Variants in DACH2 observed in about 807,000 individuals in gnomAD.
DACH2 encodes the protein dachshund family transcription factor 2.
A neutral mutation model predicts 35.8 loss-of-function variants in DACH2; 17 were observed. The ratio of observed to expected loss-of-function variants is 0.48; its 90% confidence interval spans 0.33 to 0.71. DACH2 has a LOEUF of 0.71. DACH2 is among the 30% of genes least tolerant of loss of function. The probability of loss-of-function intolerance (pLI) is 0.02; values close to 1 mark genes in which losing one functional copy is unlikely to be tolerated. For missense variants in DACH2, 469 were observed against 472.7 expected (o/e 0.99, Z 0.07); for synonymous variants, 195 against 177.3 (o/e 1.10, Z -0.79).
intron 3 of DACH2, among the ~76,000 whole-genome samples, chrX:86,576,387 A>G (rs1290960892): frequency 3.6e-5 from 4 of 111,769 alleles, no homozygotes; most frequent in Non-Finnish European, 7.5e-5. Context: ...TTAAAAACAT[A>G]CATTTTTATT....
At chrX:86,280,632 C>T (rs763300512) in intron 1 of DACH2, among the ~76,000 whole-genome samples, 22 of 112,091 alleles carry the variant, frequency 2.0e-4, no homozygotes, top group Non-Finnish European at 3.8e-4. Context: ...GGGCTAAATG[C>T]CCCAATTAAA....
At chrX:86,380,759 C>G (rs940170051) in intron 2 of DACH2, among the ~76,000 whole-genome samples, 12 of 109,994 alleles carry the variant, frequency 1.1e-4, no homozygotes, top group African/African-American at 3.9e-4. Context: ...ATTGCTGTGT[C>G]TTTTTAAAAT....
At chrX:86,650,274 G>A (rs147543660) in intron 3 of DACH2, among the ~76,000 whole-genome samples, 1,241 of 110,707 alleles carry the variant, frequency 0.011, 17 homozygotes, top group African/African-American at 0.038. Context: ...TACTACAGAC[G>A]CTGGCTATAT....
intron 1 of DACH2, among the ~76,000 whole-genome samples, chrX:86,330,203 C>T (rs1236383967): frequency 4.5e-5 from 5 of 111,219 alleles, no homozygotes; most frequent in African/African-American, 9.9e-5. Flanking sequence ...AGTGTACAAC[C>T]TATTTTAGAT....
At chrX:86,405,692 A>G (rs1417193312) in intron 2 of DACH2, among the ~76,000 whole-genome samples, 1 of 110,881 alleles carries the variant, frequency 9.0e-6, no homozygotes, top group Non-Finnish European at 1.9e-5. Flanking sequence ...TTCCAAAATC[A>G]CTTCCACATT....
At chrX:86,676,581 A>C (rs751075330) in intron 4 of DACH2, among the ~76,000 whole-genome samples, 1 of 111,780 alleles carries the variant, frequency 8.9e-6, no homozygotes, top group East Asian at 2.8e-4. Context: ...TGAGGAACTG[A>C]ATTTTTCATT....
At chrX:86,186,972 G>A (rs145883537) in intron 1 of DACH2, among the ~76,000 whole-genome samples, 2 of 111,525 alleles carry the variant, frequency 1.8e-5, no homozygotes, top group Admixed American at 1.9e-4. Flanking sequence ...AGTCAAATTG[G>A]CAATTTGGGT....
At chrX:86,288,368 C>T (rs1265025023) in intron 1 of DACH2, among the ~76,000 whole-genome samples, 2 of 111,918 alleles carry the variant, frequency 1.8e-5, no homozygotes, top group African/African-American at 6.5e-5. Context: ...TCACCCAAGG[C>T]CTGCTGTAAC....
chrX:86,684,014 C>G (rs1020556727), intron 4 of DACH2, among the ~76,000 whole-genome samples: 31 of 111,202 alleles, frequency 2.8e-4, no homozygotes, highest in African/African-American at 9.2e-4. Flanking sequence ...GCGTCGGTCT[C>G]TATCTGCCAC....
At chrX:86,491,526 C>T (rs767873711) in intron 2 of DACH2, among the ~76,000 whole-genome samples, 62 of 111,795 alleles carry the variant, frequency 5.5e-4, no homozygotes, top group Admixed American at 1.0e-3. Context: ...GCAGTTAAGG[C>T]AGACAAATAT....
chrX:86,639,115 G>T (rs2040314088), intron 3 of DACH2, among the ~76,000 whole-genome samples: 1 of 111,782 alleles, frequency 8.9e-6, no homozygotes, highest in Non-Finnish European at 1.9e-5. Context: ...GAGAGGAACA[G>T]AGAGGAAGAG....
At chrX:86,266,085 T>A (rs1329832996) in intron 1 of DACH2, among the ~76,000 whole-genome samples, 1 of 111,254 alleles carries the variant, frequency 9.0e-6, no homozygotes, top group African/African-American at 3.3e-5. Flanking sequence ...AGAACTTGAA[T>A]TTAGAGAAAA....
At chrX:86,229,981 C>T (rs932490924) in intron 1 of DACH2, among the ~76,000 whole-genome samples, 28 of 110,771 alleles carry the variant, frequency 2.5e-4, no homozygotes, top group Admixed American at 9.7e-5. Flanking sequence ...TCTGATTTCT[C>T]TGGGTAAGAC....
intron 2 of DACH2, among the ~76,000 whole-genome samples, chrX:86,427,131 T>C (rs1214151297): frequency 9.0e-6 from 1 of 111,414 alleles, no homozygotes; most frequent in Non-Finnish European, 1.9e-5. Flanking sequence ...CAAGAGCAAT[T>C]TACTCCTACC....
intron 1 of DACH2, among the ~76,000 whole-genome samples, chrX:86,308,054 T>C (rs890374807): frequency 8.9e-6 from 1 of 112,010 alleles, no homozygotes; most frequent in African/African-American, 3.2e-5. Flanking sequence ...TCCCTTGGTT[T>C]AATGTAGAGG....
chrX:86,580,238 A>T (rs2039485618), intron 3 of DACH2, among the ~76,000 whole-genome samples: 1 of 111,997 alleles, frequency 8.9e-6, no homozygotes, highest in Non-Finnish European at 1.9e-5. Flanking sequence ...CATTCAAAGG[A>T]TAGCAACTTC....
chrX:86,215,086 C>T (rs1379951481), intron 1 of DACH2, among the ~76,000 whole-genome samples: 1 of 111,190 alleles, frequency 9.0e-6, no homozygotes, highest in Admixed American at 9.6e-5. Flanking sequence ...CCTGTAATCA[C>T]ATTAACTTTT....
At chrX:86,747,482 T>C (rs1177360732) in intron 7 of DACH2, among the ~76,000 whole-genome samples, 1 of 111,624 alleles carries the variant, frequency 9.0e-6, no homozygotes, top group Non-Finnish European at 1.9e-5. Context: ...CGATAAAGCA[T>C]ATATTGCAAT....
rs1218658359 is a variant in DACH2 at position 86,727,808 on chromosome X, C to A, written c.1105-11939C>A. 8.9e-5 allele frequency among the ~76,000 whole-genome samples: 10 copies of A among 112,094 alleles called. No homozygotes were observed. In the Middle Eastern group the frequency reaches 0.014, roughly 156 times the overall value. ...AGTGATATGCTTCCTGCACAGCCTGCAGACCCATGAGCCAATTAAACTTTT... is the reference window on the plus strand; with the variant it reads ...AGTGATATGCTTCCTGCACAGCCTGAAGACCCATGAGCCAATTAAACTTTT... On this transcript the variant is annotated intron_variant, in intron 6 of 11. Coordinates refer to ENST00000373125, the MANE Select transcript of DACH2 (RefSeq NM_053281.3).
Sources: gnomAD v4.1 joint callset for allele counts (sites outside exome capture counted in the v4.1 genomes callset) on GRCh38, gnomAD v4.1.1 for gene constraint, MANE v1.5 for transcripts, NCBI Gene and HGNC (gene_info 2026-07-23, HGNC 2026-07-21) for gene names.